Variants in PSMD1 observed in about 807,000 individuals in gnomAD.
PSMD1 encodes proteasome 26S subunit, non-ATPase 1.
Under a neutral mutation model 119.0 loss-of-function variants are expected in PSMD1, and 18 were observed. That is an observed-to-expected ratio of 0.15 (90% CI 0.10 to 0.22). PSMD1 has a LOEUF of 0.22. PSMD1 is among the 10% of genes least tolerant of loss of function. PSMD1 has a pLI of 1.00. For missense variants in PSMD1, 702 were observed against 1,158.5 expected (o/e 0.61, Z 5.72); for synonymous variants, 374 against 396.6 (o/e 0.94, Z 0.68).
At chr2:231,076,971 G>A in intron 8 of PSMD1, 63 bp from the exon 9 acceptor site, 2 of 1,425,024 alleles carry the variant, frequency 1.4e-6, no homozygotes, top group Non-Finnish European at 1.9e-6. Flanking sequence ...AAATAAAATT[G>A]GGTTACTGGA....
intron 16 of PSMD1, 108 bp from the exon 17 acceptor site, chr2:231,138,628 G>T: frequency 1.4e-6 from 1 of 720,108 alleles, no homozygotes; most frequent in South Asian, 1.7e-5. Context: ...TGTTTTAAAT[G>T]CTCATTGTTT....
At chr2:231,068,525 A>G (rs1302815601) in intron 5 of PSMD1, among the ~76,000 whole-genome samples, 2 of 152,204 alleles carry the variant, frequency 1.3e-5, no homozygotes, top group Admixed American at 1.3e-4. Context: ...ACCTGCAGTC[A>G]ACTACAGACT....
At chr2:231,102,503 A>G (rs1217108084) in intron 16 of PSMD1, among the ~76,000 whole-genome samples, 1 of 152,220 alleles carries the variant, frequency 6.6e-6, no homozygotes, top group South Asian at 2.1e-4. Flanking sequence ...TATAATTTTT[A>G]TGTTATATGT....
intron 16 of PSMD1, among the ~76,000 whole-genome samples, chr2:231,128,681 G>C (rs146895125): frequency 7.5e-4 from 114 of 152,190 alleles, no homozygotes; most frequent in Non-Finnish European, 1.4e-3. Context: ...TGTATATGAA[G>C]TCTGTGTTGC....
At chr2:231,108,519 A>G (rs930108952) in intron 16 of PSMD1, 3 of 1,610,352 alleles carry the variant, frequency 1.9e-6, no homozygotes, top group African/African-American at 1.3e-5. Flanking sequence ...CAGTTCTGCT[A>G]TACATAACTA....
chr2:231,071,538 C>CT lies in PSMD1; in HGVS notation c.655-649dup, dbSNP rs989133449. ...CATTCAGTGTATGTACTTTGCCCTACTTAATCATTCCCCTATTGTTGACCA... is the reference window on the plus strand; with the variant it reads ...CATTCAGTGTATGTACTTTGCCCTACTTTAATCATTCCCCTATTGTTGACCA... On this transcript the variant is annotated intron_variant, in intron 6 of 24. Transcript: ENST00000308696. Among the ~76,000 whole-genome samples the CT allele has an allele frequency of 7.9e-4, 120 of 152,172 alleles. 1 individual carries two copies. Among genetic ancestry groups the CT allele is most frequent in the African/African-American group, 2.6e-3 (110 of 41,560 alleles).
chr2:231,068,718 G>C (rs1693966912), intron 5 of PSMD1, among the ~76,000 whole-genome samples: 1 of 152,114 alleles, frequency 6.6e-6, no homozygotes, highest in Non-Finnish European at 1.5e-5. Flanking sequence ...TTGCTTATCA[G>C]ATTGACTGTC....
Position 231,083,715 on chromosome 2 carries a change from G to A in PSMD1, c.1674G>A (p.Gly558=). Residue 558 remains glycine, a synonymous_variant, in exon 14 of 25, where the codon GGG becomes GGA. Coordinates refer to ENST00000308696, the MANE Select transcript of PSMD1 (RefSeq NM_002807.4). ...LAVGIALVMY[G]RMEEADALIE... ...TTGGCATAGCTTTAGTAATGTATGG[G>A]AGGATGGAAGAGGCTGATGCTCTCA... 6.2e-7 allele frequency: 1 copy of A among 1,614,184 alleles called. No homozygotes were observed. Among genetic ancestry groups the A allele is most frequent in the Non-Finnish European group, 8.5e-7 (1 of 1,180,034 alleles).
At chr2:231,073,552 G>T (rs1694089602) in intron 7 of PSMD1, among the ~76,000 whole-genome samples, 1 of 151,908 alleles carries the variant, frequency 6.6e-6, no homozygotes, top group Non-Finnish European at 1.5e-5. Flanking sequence ...TGTTCTGATT[G>T]GGATTGTATT....
chr2:231,091,221 T>C (rs1473674462), intron 16 of PSMD1, among the ~76,000 whole-genome samples: 1 of 152,146 alleles, frequency 6.6e-6, no homozygotes, highest in Non-Finnish European at 1.5e-5. Context: ...ACCCACCAAA[T>C]AGAGAGCAGT....
intron 16 of PSMD1, among the ~76,000 whole-genome samples, chr2:231,134,368 A>G (rs1171257178): frequency 6.6e-6 from 1 of 152,218 alleles, no homozygotes; most frequent in Non-Finnish European, 1.5e-5. Context: ...TGTATCAGAC[A>G]ATTGGCAGAT....
chr2:231,109,856 G>C (rs1045522381), intron 16 of PSMD1, among the ~76,000 whole-genome samples: 2 of 152,118 alleles, frequency 1.3e-5, no homozygotes, highest in Non-Finnish European at 2.9e-5. Context: ...TTTTGTCTTT[G>C]AGGTTACAGT....
intron 16 of PSMD1, among the ~76,000 whole-genome samples, chr2:231,115,658 T>A (rs1278995701): frequency 6.6e-6 from 1 of 152,148 alleles, no homozygotes; most frequent in African/African-American, 2.4e-5. Flanking sequence ...CCTTAGAGAT[T>A]ACCATTGATC....
intron 17 of PSMD1, among the ~76,000 whole-genome samples, chr2:231,145,039 T>C (rs906442706): frequency 2.6e-5 from 4 of 152,224 alleles, no homozygotes; most frequent in Non-Finnish European, 4.4e-5. Context: ...CTCAGTTATA[T>C]TGAAATTTAA....
chr2:231,090,361 G>A (rs1694560662), intron 16 of PSMD1, among the ~76,000 whole-genome samples: 1 of 152,188 alleles, frequency 6.6e-6, no homozygotes, highest in African/African-American at 2.4e-5. Context: ...GGCTGACATG[G>A]TGAAACCCTG....
intron 16 of PSMD1, among the ~76,000 whole-genome samples, chr2:231,138,066 C>G (rs906631216): frequency 6.6e-5 from 10 of 152,158 alleles, no homozygotes; most frequent in Non-Finnish European, 1.2e-4. Flanking sequence ...TTACCCTAGT[C>G]CTGCTGCTCT....
intron 16 of PSMD1, chr2:231,123,848 C>T: frequency 9.3e-7 from 1 of 1,079,912 alleles, no homozygotes; most frequent in Non-Finnish European, 1.4e-6. Flanking sequence ...TTTTTTAAGG[C>T]ATTGTAACCA....
At chr2:231,092,815 C>T (rs928160689) in intron 16 of PSMD1, among the ~76,000 whole-genome samples, 3 of 152,246 alleles carry the variant, frequency 2.0e-5, no homozygotes, top group African/African-American at 2.4e-5. Flanking sequence ...GGGAAAGTGG[C>T]GTTGGTTGCA....
chr2:231,076,653 CAA>C (rs949315391), intron 8 of PSMD1, among the ~76,000 whole-genome samples: 1 of 139,656 alleles, frequency 7.2e-6, no homozygotes, highest in Non-Finnish European at 1.6e-5. Context: ...AACTCTGCCT[CAA>C]AAAAAAAAAA....
Sources: gnomAD v4.1 joint callset for allele counts (sites outside exome capture counted in the v4.1 genomes callset) on GRCh38, gnomAD v4.1.1 for gene constraint, MANE v1.5 for transcripts, NCBI Gene and HGNC (gene_info 2026-07-23, HGNC 2026-07-21) for gene names.